RTCA: variants seen among roughly 807,000 people sequenced by gnomAD.
The protein encoded by RTCA is RNA terminal phosphate cyclase domain 1.
A neutral mutation model predicts 46.1 loss-of-function variants in RTCA; 37 were observed. The ratio of observed to expected loss-of-function variants is 0.80; its 90% CI spans 0.62 to 1.06. The LOEUF (loss-of-function observed/expected upper bound fraction) is 1.06, where lower values mean the gene tolerates loss of function less well. Ranked by LOEUF, RTCA falls within the 50% of genes least tolerant of loss-of-function variation. The probability of loss-of-function intolerance (pLI) is 0.00; values close to 1 mark genes in which losing one functional copy is unlikely to be tolerated. For synonymous variants in RTCA, 164 were observed against 158.3 expected, an observed-to-expected ratio of 1.04 and a Z score of -0.27; for missense variants, 435 against 455.5, an observed-to-expected ratio of 0.95 and a Z score of 0.41.
rs750195192 is a variant in RTCA at position 100,270,666 on chromosome 1, G to T, written c.400G>T (p.Asp134Tyr). 10 of 1,613,818 alleles carry T rather than the reference G, an allele frequency of 6.2e-6. No individual in the cohort carries two copies. The African/African-American group carries it at 1.3e-4, about 22-fold the overall frequency. The change falls in exon 4 of 11, where the codon GAT becomes TAT. Residue 134 changes from aspartate to tyrosine, a missense_variant. Asp to Tyr is a radical substitution (Grantham distance 160, BLOSUM62 -3). Transcript: ENST00000370128. Reference sequence around the variant, plus strand: ...TAATGCTGAAATGGCACCACAGATCGATTATACAGTGATGGTAAGGGCTTT... The same window carrying T: ...TAATGCTGAAATGGCACCACAGATCTATTATACAGTGATGGTAAGGGCTTT... ...GTNAEMAPQIDYTVMVFKPIV... is the reference protein window; with the variant it reads ...GTNAEMAPQIYYTVMVFKPIV...
intron 8 of RTCA, among the ~76,000 whole-genome samples, chr1:100,281,477 G>T (rs1166291693): frequency 6.6e-6 from 1 of 152,184 alleles, no homozygotes; most frequent in Non-Finnish European, 1.5e-5. Flanking sequence ...TTAAGTGATT[G>T]CATTATAGAC....
At chr1:100,268,116 A>C (rs762232574) in intron 2 of RTCA, 36 bp from the exon 3 acceptor site, 4 of 1,610,442 alleles carry the variant, frequency 2.5e-6, no homozygotes, top group Middle Eastern at 1.7e-4. Context: ...AGGCAGTCTG[A>C]ATGCACACGT....
intron 6 of RTCA, 80 bp from the exon 7 acceptor site, chr1:100,275,519 A>C: frequency 9.5e-7 from 1 of 1,057,682 alleles, no homozygotes; most frequent in Non-Finnish European, 1.3e-6. Flanking sequence ...CAATTATTTT[A>C]TGTGTCTTTG....
rs955542206 is a variant in RTCA, at chr1:100,277,267, T to C, written c.750T>C (p.Ala250=). The change falls in exon 8 of 11, where the codon GCT becomes GCC. Residue 250 remains alanine, a synonymous_variant. Transcript: ENST00000370128. ...TTTTTTTCTTGCATAGAATTATTGC[T>C]GAGACCTCCACTGGCTGTTTGTTTG... The part of the protein sequence containing the change: ...FGNGNGIIII[A]ETSTGCLFAG... 6.2e-7 allele frequency: 1 copy of C among 1,613,012 alleles called. No individual in the cohort carries two copies. Among genetic ancestry groups the C allele is most frequent in the South Asian group, 1.1e-5 (1 of 90,846 alleles).
chr1:100,290,565 G>C (rs750341678), intron 10 of RTCA, among the ~76,000 whole-genome samples: 4 of 152,168 alleles, frequency 2.6e-5, no homozygotes, highest in Non-Finnish European at 5.9e-5. Flanking sequence ...CAGCCTAGGA[G>C]TTTGAGCCTG....
intron 2 of RTCA, chr1:100,267,255 C>T (rs1419287387): frequency 7.3e-6 from 3 of 413,454 alleles, no homozygotes; most frequent in African/African-American, 4.0e-5. Flanking sequence ...TGTATGTATT[C>T]TGTATTTATT....
intron 8 of RTCA, among the ~76,000 whole-genome samples, chr1:100,284,792 C>T (rs1224437825): frequency 6.6e-6 from 1 of 152,148 alleles, no homozygotes; most frequent in African/African-American, 2.4e-5. Flanking sequence ...TAGATGGCGT[C>T]TAGCTATGTT....
chr1:100,266,858 G>A, intron 2 of RTCA: 1 of 535,296 alleles, frequency 1.9e-6, no homozygotes, highest in Non-Finnish European at 3.4e-6. Flanking sequence ...ACTAAATAGT[G>A]TCATTTGCTG....
In RTCA at chr1:100,271,400, G is replaced by C. The variant is rs563220588; in HGVS notation, c.414+720G>C. Among the ~76,000 whole-genome samples the C allele has an allele frequency of 2.0e-5, 3 of 152,168 alleles. No individual in the cohort carries two copies. The East Asian group carries it at 5.8e-4, about 30-fold the overall frequency. On this transcript the variant is annotated intron_variant, in intron 4 of 10. Coordinates refer to ENST00000370128, the MANE Select transcript of RTCA (RefSeq NM_003729.4). ...GAGGTGGGAGGATCACTTGAGCCTGGGAGGTTGAGTTTGCAGTGAGCTATG... is the reference window on the plus strand; with the variant it reads ...GAGGTGGGAGGATCACTTGAGCCTGCGAGGTTGAGTTTGCAGTGAGCTATG...
At chr1:100,283,547 A>G (rs138149170) in intron 8 of RTCA, among the ~76,000 whole-genome samples, 155 of 152,272 alleles carry the variant, frequency 1.0e-3, no homozygotes, top group African/African-American at 3.1e-3. Context: ...AACCTGTGTT[A>G]TTATTAATAG....
At chr1:100,273,341 T>G in intron 4 of RTCA, 53 bp from the exon 5 acceptor site, 1 of 1,205,276 alleles carries the variant, frequency 8.3e-7, no homozygotes, top group Non-Finnish European at 1.2e-6. Flanking sequence ...AATACACTTG[T>G]TAAATTAGTG....
intron 8 of RTCA, among the ~76,000 whole-genome samples, chr1:100,282,890 T>C (rs888954596): frequency 6.6e-6 from 1 of 152,216 alleles, no homozygotes; most frequent in African/African-American, 2.4e-5. Context: ...TACTGCAACC[T>C]CTGCCTCCTG....
intron 8 of RTCA, among the ~76,000 whole-genome samples, chr1:100,278,671 A>G (rs1182160241): frequency 6.6e-6 from 1 of 152,214 alleles, no homozygotes; most frequent in African/African-American, 2.4e-5. Flanking sequence ...TTACTACTGA[A>G]TACAAAAAAA....
chr1:100,278,165 A>G (rs1437895216), intron 8 of RTCA, among the ~76,000 whole-genome samples: 2 of 152,198 alleles, frequency 1.3e-5, no homozygotes, highest in South Asian at 4.1e-4. Context: ...TTTGTAATTA[A>G]CTAGTGATCC....
rs1240208191 is a variant in RTCA at position 100,291,483 on chromosome 1, G to A, written c.1080G>A (p.Gly360=). The A allele has an allele frequency of 6.2e-7, 1 of 1,608,212 alleles. No individual in the cohort carries two copies. The highest frequency in any genetic ancestry group is 1.7e-5 in the Admixed American group (1 of 59,706). The change falls in exon 11 of 11, where the codon GGG becomes GGA. Residue 360 remains glycine (G), a synonymous_variant. Transcript: ENST00000370128. ...DTYIIECQGI[G]MTNPNL ...ATATTATTGAATGCCAAGGAATTGG[G>A]ATGACAAATCCAAATCTATAGAGTA...
intron 2 of RTCA, 128 bp from the exon 3 acceptor site, chr1:100,268,024 A>T (rs1277460929): frequency 7.5e-7 from 1 of 1,336,090 alleles, no homozygotes; most frequent in African/African-American, 1.5e-5. Flanking sequence ...CTGACACTGA[A>T]GATGTGGCAC....
intron 8 of RTCA, among the ~76,000 whole-genome samples, chr1:100,278,536 G>A (rs1263782693): frequency 6.6e-6 from 1 of 152,168 alleles, no homozygotes; most frequent in Non-Finnish European, 1.5e-5. Flanking sequence ...TTGGGAGGCT[G>A]AGGTGGGAGG....
chr1:100,277,299 C>T lies in RTCA; in HGVS notation c.782C>T (p.Ser261Leu). 1.2e-6 allele frequency: 2 copies of T among 1,611,998 alleles called. No individual in the cohort carries two copies. The highest frequency in any genetic ancestry group is 1.7e-6 in the Non-Finnish European group (2 of 1,179,310). ...ETSTGCLFAG[S>L]SLGKRGVNAD... Reference sequence around the variant, plus strand: ...TCCACTGGCTGTTTGTTTGCTGGATCATCGCTTGGTAAACGAGGTAAGATA... The same window carrying T: ...TCCACTGGCTGTTTGTTTGCTGGATTATCGCTTGGTAAACGAGGTAAGATA... The change falls in exon 8 of 11, where the codon TCA becomes TTA. Residue 261 changes from serine (S) to leucine (L), a missense_variant. Ser to Leu is a moderately radical substitution (Grantham distance 145). Coordinates refer to ENST00000370128, the MANE Select transcript of RTCA (RefSeq NM_003729.4).
At position 100,275,670 on chromosome 1, in the gene RTCA, C is replaced by A; in HGVS notation, c.687C>A (p.Ile229=). The change falls in exon 7 of 11, where the codon ATC becomes ATA. Residue 229 remains isoleucine (I), a synonymous_variant. Coordinates refer to ENST00000370128, the MANE Select transcript of RTCA (RefSeq NM_003729.4). The part of the protein sequence containing the change: ...RKEIRDLYVN[I]QPVQEPKDQA... ...AGATCCGGGATTTGTATGTTAACAT[C>A]CAGCCTGTTCAAGAACCTAAAGACC... 2.5e-6 allele frequency: 4 copies of A among 1,612,190 alleles called. No individual in the cohort carries two copies. The highest frequency in any genetic ancestry group is 3.4e-6 in the Non-Finnish European group (4 of 1,178,940).
Sources: allele counts gnomAD v4.1 joint callset (sites outside exome capture counted in the v4.1 genomes callset), GRCh38; gene constraint gnomAD v4.1.1; transcripts MANE v1.5; gene names NCBI Gene and HGNC (gene_info 2026-07-23, HGNC 2026-07-21).